ZDHHC14: variants seen among roughly 807,000 people sequenced by gnomAD.
ZDHHC14 encodes zDHHC palmitoyltransferase 14.
In ZDHHC14, 16 loss-of-function variants were observed where a neutral mutation model predicts 47.7. That is an observed-to-expected ratio of 0.34 (90% CI 0.23 to 0.51). The LOEUF (loss-of-function observed/expected upper bound fraction) is 0.51, where lower values mean the gene tolerates loss of function less well. Among genes scored for constraint, ZDHHC14 ranks in the 20% least tolerant of loss-of-function variants. ZDHHC14 has a pLI of 0.97. For synonymous variants in ZDHHC14, 293 were observed against 278.9 expected (o/e 1.05, Z -0.50); for missense variants, 515 against 662.5 (o/e 0.78, Z 2.44).
intron 8 of ZDHHC14, among the ~76,000 whole-genome samples, chr6:157,657,628 G>A (rs945073463): frequency 3.9e-5 from 6 of 152,098 alleles, no homozygotes; most frequent in East Asian, 1.9e-4. Flanking sequence ...ATGGTCTACC[G>A]CCTCCATACC....
chr6:157,504,111 G>A (rs1780255152), intron 1 of ZDHHC14, among the ~76,000 whole-genome samples: 1 of 152,246 alleles, frequency 6.6e-6, no homozygotes, highest in Middle Eastern at 3.4e-3. Flanking sequence ...ATGCACCATG[G>A]GAGATTCATA....
intron 7 of ZDHHC14, among the ~76,000 whole-genome samples, chr6:157,652,256 T>TAGTC (rs1382861809): frequency 4.6e-5 from 7 of 152,158 alleles, no homozygotes; most frequent in Admixed American, 2.0e-4. Context: ...CTGAAGGCAG[T>TAGTC]AGTCATGAGG....
Position 157,542,598 on chromosome 6 carries a change from G to A in ZDHHC14, c.259G>A (p.Ala87Thr). ...LFFAFDCPYL[A>T]VKITPAIPAV... The stretch of plus-strand genomic sequence containing the variant: ...ACCTGTCGGCAGCTGTCCGTACCTG[G>A]CGGTGAAAATCACCCCTGCCATCCC... The change falls in exon 2 of 9, where the codon GCG becomes ACG. Residue 87 changes from alanine to threonine, a missense_variant. This residue lies in a region of ZDHHC14 where 229 missense variants were observed against 351.5 expected (regional missense o/e 0.65). Coordinates refer to ENST00000359775, the MANE Select transcript of ZDHHC14 (RefSeq NM_024630.3). The A allele has an allele frequency of 6.2e-7, 1 of 1,614,040 alleles. No individual in the cohort carries two copies. Among genetic ancestry groups the A allele is most frequent in the Non-Finnish European group, 8.5e-7 (1 of 1,180,008 alleles).
intron 1 of ZDHHC14, among the ~76,000 whole-genome samples, chr6:157,395,005 A>G (rs776518277): frequency 6.6e-6 from 1 of 150,386 alleles, no homozygotes; most frequent in Non-Finnish European, 1.5e-5. Flanking sequence ...TCGTGCACCC[A>G]TAATTTTGCC....
At chr6:157,447,226 A>G (rs987823276) in intron 1 of ZDHHC14, among the ~76,000 whole-genome samples, 2 of 152,232 alleles carry the variant, frequency 1.3e-5, no homozygotes, top group Non-Finnish European at 2.9e-5. Flanking sequence ...TTGAGTCTCC[A>G]GTGTGGGCCA....
chr6:157,655,509 A>G (rs1439389851), intron 8 of ZDHHC14, among the ~76,000 whole-genome samples: 1 of 152,230 alleles, frequency 6.6e-6, no homozygotes, highest in East Asian at 1.9e-4. Flanking sequence ...CAGGTGCACA[A>G]GAAGTGCCCT....
intron 2 of ZDHHC14, among the ~76,000 whole-genome samples, chr6:157,574,008 T>C (rs1258027005): frequency 6.6e-6 from 1 of 152,026 alleles, no homozygotes; most frequent in Non-Finnish European, 1.5e-5. Context: ...TCGGCTGTGC[T>C]AATGCTCACA....
At chr6:157,460,479 CAA>C (rs1261917831) in intron 1 of ZDHHC14, among the ~76,000 whole-genome samples, 1 of 149,338 alleles carries the variant, frequency 6.7e-6, no homozygotes, top group Non-Finnish European at 1.5e-5. Flanking sequence ...TCTGCTTCTC[CAA>C]AGAGTGCTGT....
intron 1 of ZDHHC14, among the ~76,000 whole-genome samples, chr6:157,404,137 CTATT>C (rs771166992): frequency 2.0e-5 from 3 of 152,252 alleles, no homozygotes; most frequent in Admixed American, 6.5e-5. Flanking sequence ...AAGTGGCTTT[CTATT>C]TATTTATTTA....
chr6:157,491,545 A>G (rs940464105), intron 1 of ZDHHC14, among the ~76,000 whole-genome samples: 26 of 151,878 alleles, frequency 1.7e-4, no homozygotes, highest in Non-Finnish European at 5.9e-5. Context: ...GAATACTTTT[A>G]TAATGAGATT....
chr6:157,592,755 G>C (rs1160925382), intron 2 of ZDHHC14: 1 of 1,319,410 alleles, frequency 7.6e-7, no homozygotes, highest in Non-Finnish European at 9.7e-7. Context: ...CATGTGTGCT[G>C]TGCTCCATTG....
At chr6:157,479,793 C>A (rs1219980956) in intron 1 of ZDHHC14, among the ~76,000 whole-genome samples, 1 of 152,252 alleles carries the variant, frequency 6.6e-6, no homozygotes, top group Non-Finnish European at 1.5e-5. Context: ...CAAGTGGACA[C>A]TTCCCTGGTC....
chr6:157,588,898 T>A (rs1783798458), intron 2 of ZDHHC14, among the ~76,000 whole-genome samples: 1 of 152,194 alleles, frequency 6.6e-6, no homozygotes, highest in Non-Finnish European at 1.5e-5. Context: ...AATCTGCTTA[T>A]GTGCTAGGCT....
intron 1 of ZDHHC14, among the ~76,000 whole-genome samples, chr6:157,442,213 G>A (rs559394809): frequency 6.6e-6 from 1 of 152,098 alleles, no homozygotes; most frequent in Non-Finnish European, 1.5e-5. Flanking sequence ...GCAACATGGT[G>A]AAACCAAAAA....
chr6:157,672,977 C>G lies in ZDHHC14; in HGVS notation c.1322C>G (p.Pro441Arg). The G allele has an allele frequency of 6.3e-7, 1 of 1,596,136 alleles. No homozygotes were observed. Among genetic ancestry groups the G allele is most frequent in the African/African-American group, 1.3e-5 (1 of 74,644 alleles). The change falls in exon 9 of 9, where the codon CCC (proline) becomes CGC (arginine). Residue 441 changes from proline (P) to arginine (R), a missense_variant. By Grantham distance (103) the Pro-to-Arg change is moderately radical (BLOSUM62 -2). This residue lies in a region of ZDHHC14 where 221 missense variants were observed against 233.6 expected (regional missense o/e 0.95). Transcript: ENST00000359775. ...CACATGGGCCACCAGTTCCTGACGC[C>G]CGATGAGGCGCCCTCGCCCCCCAGG... ...DEHMGHQFLT[P>R]DEAPSPPRLL... is the part of the protein sequence containing the mutation.
intron 1 of ZDHHC14, among the ~76,000 whole-genome samples, chr6:157,405,272 G>T (rs576966285): frequency 6.6e-6 from 1 of 152,088 alleles, no homozygotes; most frequent in African/African-American, 2.4e-5. Context: ...TCGCTGTCTC[G>T]CCCAGGCTGG....
intron 1 of ZDHHC14, among the ~76,000 whole-genome samples, chr6:157,467,465 G>A (rs1027958863): frequency 3.9e-5 from 6 of 152,012 alleles, no homozygotes; most frequent in Non-Finnish European, 8.8e-5. Context: ...TCAGCATAGT[G>A]TGTTCAGGGT....
At chr6:157,578,473 G>C (rs1053343999) in intron 2 of ZDHHC14, among the ~76,000 whole-genome samples, 3 of 152,138 alleles carry the variant, frequency 2.0e-5, no homozygotes, top group African/African-American at 7.2e-5. Context: ...GTTTTTGTCA[G>C]GTTTGTCAAT....
intron 2 of ZDHHC14, among the ~76,000 whole-genome samples, chr6:157,555,910 G>A (rs1344543051): frequency 6.6e-6 from 1 of 152,210 alleles, no homozygotes; most frequent in Non-Finnish European, 1.5e-5. Context: ...GAATTTGTGA[G>A]GGCTGAAGGG....
Sources: gnomAD v4.1 joint callset for allele counts (sites outside exome capture counted in the v4.1 genomes callset) on GRCh38, gnomAD v4.1.1 for gene constraint, gnomAD v4.1.1 regional missense constraint, MANE v1.5 for transcripts, NCBI Gene and HGNC (gene_info 2026-07-23, HGNC 2026-07-21) for gene names.